ATXN2L: variants seen among roughly 807,000 people sequenced by gnomAD.
ATXN2L encodes ataxin-2-like protein.
Under a neutral mutation model 120.7 loss-of-function variants are expected in ATXN2L, and 24 were observed. The observed-to-expected ratio is 0.20, with a 90% CI of 0.14 to 0.28. ATXN2L has a LOEUF of 0.28. Among genes scored for constraint, ATXN2L ranks in the 10% least tolerant of loss-of-function variants. ATXN2L has a pLI of 1.00. For synonymous variants in ATXN2L, 653 were observed against 568.1 expected, an observed-to-expected ratio of 1.15 and a Z score of -2.13; for missense variants, 1,312 against 1,432.3, an observed-to-expected ratio of 0.92 and a Z score of 1.36.
intron 1 of ATXN2L, chr16:28,824,637 A>T: frequency 8.5e-7 from 1 of 1,175,034 alleles, no homozygotes; most frequent in South Asian, 1.4e-5. Flanking sequence ...GGCTGCTGAA[A>T]ATGATTGTCT....
At position 28,834,631 on chromosome 16, in the gene ATXN2L, A is replaced by G; in HGVS notation, c.2371A>G (p.Asn791Asp). The change falls in exon 18 of 22, where the codon AAC becomes GAC. Residue 791 changes from asparagine to aspartate, a missense_variant. Transcript: ENST00000336783. ...GCCCTATTCTTCCTACATCCCCTAC[A>G]ACCCTCAGCAGTTCCCAGGCCAGCC... is the stretch of plus-strand genomic sequence containing the variant. ...ATPYSSYIPYNPQQFPGQPAM... is the reference protein window; with the variant it reads ...ATPYSSYIPYDPQQFPGQPAM... The G allele has an allele frequency of 7.4e-6, 12 of 1,613,934 alleles. No individual in the cohort carries two copies. The highest frequency in any genetic ancestry group is 9.3e-6 in the Non-Finnish European group (11 of 1,179,988).
chr16:28,826,609 G>T (rs1394805396), intron 5 of ATXN2L: 2 of 591,906 alleles, frequency 3.4e-6, no homozygotes, highest in East Asian at 2.9e-5. Flanking sequence ...ATTCCTGTCT[G>T]TGTTGTGGTT....
intron 18 of ATXN2L, 114 bp from the exon 19 acceptor site, chr16:28,834,943 GA>G: frequency 7.2e-7 from 1 of 1,383,206 alleles, no homozygotes. Flanking sequence ...TATGAATGTT[GA>G]ATCAATAGGG....
chr16:28,832,633 G>C, intron 12 of ATXN2L, 66 bp downstream of exon 12: 1 of 1,558,174 alleles, frequency 6.4e-7, no homozygotes, highest in Non-Finnish European at 8.8e-7. Context: ...ATTTCAGTTA[G>C]GAAGTTTGTT....
chr16:28,823,882 C>G (rs1375819734), intron 1 of ATXN2L: 2 of 296,524 alleles, frequency 6.7e-6, no homozygotes, highest in Non-Finnish European at 1.2e-5. Context: ...TCGGGGTCCC[C>G]GGTTCCATTA....
chr16:28,833,572 A>G (rs953183231), intron 15 of ATXN2L, 64 bp downstream of exon 15: 2 of 1,498,928 alleles, frequency 1.3e-6, no homozygotes, highest in African/African-American at 1.4e-5. Flanking sequence ...GTGCTTATAG[A>G]TGAATAGGGG....
chr16:28,823,141 G>C lies in ATXN2L; in HGVS notation c.-119G>C. 1 of 314,604 alleles carries C rather than the reference G, an allele frequency of 3.2e-6. No homozygotes were observed. The highest frequency in any genetic ancestry group is 4.5e-6 in the Non-Finnish European group (1 of 220,520). 19.5% of individuals were successfully genotyped at this position (314,604 alleles called of 1,614,324 possible). On this transcript the variant is annotated 5_prime_UTR_variant, in exon 1 of 22. Transcript: ENST00000336783. Reference sequence around the variant, plus strand: ...CGACACCGCGGGGCTCCCCCCGCCCGCCCACGGCGGGCCCCGGCTGCCCGA... The same window carrying C: ...CGACACCGCGGGGCTCCCCCCGCCCCCCCACGGCGGGCCCCGGCTGCCCGA...
Position 28,835,180 on chromosome 16 carries a change from C to G in ATXN2L, c.2556C>G (p.Ala852=). 1.9e-6 allele frequency: 3 copies of G among 1,611,558 alleles called. No individual in the cohort carries two copies. The Admixed American group carries it at 5.0e-5, about 27-fold the overall frequency. Residue 852 remains alanine (A), a synonymous_variant, in exon 19 of 22, where the codon GCC becomes GCG. Coordinates refer to ENST00000336783, the MANE Select transcript of ATXN2L (RefSeq NM_007245.4). ...YPSAEQPTPQ[A]LYATVHQSYP... is the part of the protein sequence containing the mutation. ...CTGCAGAGCAGCCTACCCCCCAAGCCCTTTATGGTGAGTCCTGCGCCTGGT... is the reference window on the plus strand; with the variant it reads ...CTGCAGAGCAGCCTACCCCCCAAGCGCTTTATGGTGAGTCCTGCGCCTGGT...
intron 10 of ATXN2L, among the ~76,000 whole-genome samples, chr16:28,831,668 C>T (rs1162067736): frequency 6.6e-6 from 1 of 152,164 alleles, no homozygotes; most frequent in Non-Finnish European, 1.5e-5. Context: ...AGGCAGATTG[C>T]TTGAGCCCAG....
At chr16:28,826,706 C>T (rs2052183961) in intron 5 of ATXN2L, 156 bp from the exon 6 acceptor site, 11 of 866,352 alleles carry the variant, frequency 1.3e-5, no homozygotes, top group Admixed American at 3.3e-5. Context: ...CTTCTCTTGC[C>T]TCCCCACCCC....
Position 28,837,036 on chromosome 16 carries a change from G to T in ATXN2L, c.*771G>T. ...CTCCCATCCTCTCATCTATTCCCCC[G>T]CTGGAGACGGAAGATCTTTTATTTT... On this transcript the variant is annotated 3_prime_UTR_variant, in exon 22 of 22. Coordinates refer to ENST00000336783, the MANE Select transcript of ATXN2L (RefSeq NM_007245.4). 1 of 659,948 alleles carries T rather than the reference G, an allele frequency of 1.5e-6. No individual in the cohort carries two copies. Among genetic ancestry groups the T allele is most frequent in the South Asian group, 1.5e-5 (1 of 65,636 alleles). The allele number at this position is 659,948 out of a possible 1,614,324, so 40.9% of individuals were successfully genotyped here.
chr16:28,828,560 C>G (rs1258302528), intron 6 of ATXN2L, among the ~76,000 whole-genome samples: 1 of 150,526 alleles, frequency 6.6e-6, no homozygotes, highest in East Asian at 1.9e-4. Flanking sequence ...GCACTCCAGC[C>G]TGGGCAACAA....
In ATXN2L at chr16:28,836,384, C is replaced by G. The variant is rs1331073865; in HGVS notation, c.*119C>G. Reference sequence around the variant, plus strand: ...GCCAGGGGCTTGCTCCTGGCTCTGTCCTTTGCTTCCCTCCGTCCTCGCTCA... The same window carrying G: ...GCCAGGGGCTTGCTCCTGGCTCTGTGCTTTGCTTCCCTCCGTCCTCGCTCA... On this transcript the variant is annotated 3_prime_UTR_variant, in exon 22 of 22. Transcript: ENST00000336783. The G allele has an allele frequency of 1.2e-6, 2 of 1,613,518 alleles. No homozygotes were observed. The highest frequency in any genetic ancestry group is 8.5e-7 in the Non-Finnish European group (1 of 1,179,924).
In ATXN2L at chr16:28,835,991, C is replaced by T. The variant is rs756524979; in HGVS notation, c.2954C>T (p.Pro985Leu). Reference sequence around the variant, plus strand: ...CCCCCTCACCCTGGGGCTCCCCACCCGCCCCAGGTGATGCTGCTGCACCCA... The same window carrying T: ...CCCCCTCACCCTGGGGCTCCCCACCTGCCCCAGGTGATGCTGCTGCACCCA... ...APPPHPGAPH[P>L]PQVMLLHPPQ... The change falls in exon 22 of 22, where the codon CCG (proline) becomes CTG (leucine). Residue 985 changes from proline to leucine, a missense_variant. Coordinates refer to ENST00000336783, the MANE Select transcript of ATXN2L (RefSeq NM_007245.4). 2.6e-6 allele frequency: 4 copies of T among 1,547,634 alleles called. No individual in the cohort carries two copies. The highest frequency in any genetic ancestry group is 1.2e-5 in the South Asian group (1 of 81,660).
chr16:28,826,476 T>G, intron 5 of ATXN2L, 86 bp downstream of exon 5: 1 of 1,449,162 alleles, frequency 6.9e-7, no homozygotes, highest in Non-Finnish European at 9.4e-7. Flanking sequence ...CATGGTGATG[T>G]GTTTGGTTTG....
At chr16:28,830,499 A>C in intron 8 of ATXN2L, 116 bp from the exon 9 acceptor site, 1 of 982,538 alleles carries the variant, frequency 1.0e-6, no homozygotes, top group Non-Finnish European at 1.5e-6. Context: ...TGCTGGAGCC[A>C]GGCAGTGTGT....
rs2054813943 is a variant in ATXN2L, at chr16:28,832,367, C to G, written c.1484C>G (p.Ala495Gly). 1 of 1,614,078 alleles carries G rather than the reference C, an allele frequency of 6.2e-7. No homozygotes were observed. The highest frequency in any genetic ancestry group is 1.7e-5 in the Admixed American group (1 of 60,000). ...SDPGVGSISPASPKISLAPTD... is the reference protein window; with the variant it reads ...SDPGVGSISPGSPKISLAPTD... The stretch of plus-strand genomic sequence containing the variant: ...CCTGGAGTGGGCTCCATTTCTCCAG[C>G]TTCTCCAAAGATCTCCCTGGCCCCC... Residue 495 changes from alanine (A) to glycine (G), a missense_variant, in exon 11 of 22, where the codon GCT becomes GGT. Physicochemically the swap from Ala to Gly is moderately conservative, Grantham distance 60. Coordinates refer to ENST00000336783, the MANE Select transcript of ATXN2L (RefSeq NM_007245.4).
rs770942677 is a variant in ATXN2L at position 28,835,614 on chromosome 16, G to A, written c.2751G>A (p.Gly917=). Residue 917 remains glycine, a synonymous_variant, in exon 21 of 22, where the codon GGG becomes GGA. Coordinates refer to ENST00000336783, the MANE Select transcript of ATXN2L (RefSeq NM_007245.4). ...CACAGCAGAATCTGTACCACCCAGGGGCCCTGACAGGCACGCCGCCCTCTC... is the reference window on the plus strand; with the variant it reads ...CACAGCAGAATCTGTACCACCCAGGAGCCCTGACAGGCACGCCGCCCTCTC... The part of the protein sequence containing the change: ...GQPQQNLYHP[G]ALTGTPPSLP... 15 of 1,613,802 alleles carry A rather than the reference G, an allele frequency of 9.3e-6. No homozygotes were observed. The Middle Eastern group carries it at 4.9e-4, about 53-fold the overall frequency.
chr16:28,826,667 C>T lies in ATXN2L; in HGVS notation c.617-195C>T. On this transcript the variant is annotated intron_variant, in intron 5 of 21. Transcript: ENST00000336783. ...TTTTAACTTCTTTTTTCTTTGGAAT[C>T]ATAGTACTGATAGACTTTTTATACT... The T allele has an allele frequency of 7.3e-6, 5 of 683,366 alleles. No homozygotes were observed. The South Asian group carries it at 7.5e-5, about 10-fold the overall frequency. The allele number at this position is 683,366 out of a possible 1,614,324, so 42.3% of individuals were successfully genotyped here. A position where few individuals can be genotyped will look rare whatever the true frequency, so the allele number is the denominator to read the frequency against.
Sources: gnomAD v4.1 joint callset for allele counts (sites outside exome capture counted in the v4.1 genomes callset) on GRCh38, gnomAD v4.1.1 for gene constraint, MANE v1.5 for transcripts, NCBI Gene and HGNC (gene_info 2026-07-23, HGNC 2026-07-21) for gene names.